The following SARS2 variants were observed in gnomAD, a reference collection of about 807,000 sequenced individuals.
SARS2 encodes the protein seryl-tRNA synthetase 2, mitochondrial.
Under a neutral mutation model 66.8 loss-of-function variants are expected in SARS2, and 52 were observed. That is an observed-to-expected ratio of 0.78 (90% CI 0.62 to 0.98). The LOEUF (loss-of-function observed/expected upper bound fraction) is 0.98. Ranked by LOEUF, SARS2 falls within the 50% of genes least tolerant of loss-of-function variation. The pLI is 0.00. For missense variants in SARS2, 673 were observed against 706.3 expected, an observed-to-expected ratio of 0.95 and a Z score of 0.53; for synonymous variants, 306 against 281.4, an observed-to-expected ratio of 1.09 and a Z score of -0.87.
chr19:38,917,741 C>A lies in SARS2; in HGVS notation c.1143G>T (p.Glu381Asp). The stretch of plus-strand genomic sequence containing the variant: ...CTCCACACCGGAAGTGCAAGCCCAG[C>A]TCTGTCAAGATCTCCATCTGAAGGG... ...FLSLQMEILT[E>D]LGLHFRVLDM... The change falls in exon 12 of 16, where the codon GAG (glutamate) becomes GAT (aspartate). Residue 381 changes from glutamate to aspartate, a missense_variant. By Grantham distance (45) the Glu-to-Asp change is conservative (BLOSUM62 2). Coordinates refer to ENST00000221431, the MANE Select transcript of SARS2 (RefSeq NM_017827.4). 2 of 1,613,010 alleles carry A rather than the reference C, an allele frequency of 1.2e-6. No individual in the cohort carries two copies. The highest frequency in any genetic ancestry group is 1.7e-4 in the Middle Eastern group (1 of 6,034).
At chr19:38,927,303 A>G (rs145369453) in intron 1 of SARS2, among the ~76,000 whole-genome samples, 1 of 152,214 alleles carries the variant, frequency 6.6e-6, no homozygotes, top group East Asian at 1.9e-4. Flanking sequence ...AAAACAAAAA[A>G]AATTGTTACA....
intron 3 of SARS2, chr19:38,922,031 G>A (rs2144772601): frequency 6.4e-7 from 1 of 1,553,810 alleles, no homozygotes; most frequent in Non-Finnish European, 8.7e-7. Context: ...CTGGGAATGG[G>A]AGGAACGTAG....
chr19:38,920,172 G>C (rs572253210), intron 5 of SARS2, 23 bp from the exon 6 acceptor site: 1 of 1,550,740 alleles, frequency 6.4e-7, no homozygotes, highest in South Asian at 1.2e-5. Context: ...GAAAAGCACC[G>C]GTGTAAGGCA....
Position 38,915,463 on chromosome 19 carries a change from C to CCCGT in SARS2, c.*139_*142dup, listed in dbSNP as rs1974391707. On this transcript the variant is annotated 3_prime_UTR_variant, in exon 16 of 16. Transcript: ENST00000221431. ...CAGCAAGGACAGAGGAGAGGTGGAC[C>CCCGT]CCGTGGTCCAGGGGCCCGGGCGTGG... The CCCGT allele has an allele frequency of 1.1e-6, 1 of 883,442 alleles. No individual in the cohort carries two copies. The allele number at this position is 883,442 out of a possible 1,614,324, so 54.7% of individuals were successfully genotyped here.
chr19:38,921,247 G>T, intron 5 of SARS2, 145 bp downstream of exon 5: 1 of 835,912 alleles, frequency 1.2e-6, no homozygotes, highest in Non-Finnish European at 2.0e-6. Context: ...GCTCGGCCAA[G>T]GCAGGAAGCT....
intron 9 of SARS2, 86 bp from the exon 10 acceptor site, chr19:38,918,225 ATG>A: frequency 7.0e-7 from 1 of 1,420,368 alleles, no homozygotes; most frequent in Non-Finnish European, 9.7e-7. Flanking sequence ...CCTCTGGTGG[ATG>A]CAACCCCAGG....
intron 2 of SARS2, among the ~76,000 whole-genome samples, chr19:38,924,747 G>T (rs191591278): frequency 3.5e-4 from 54 of 152,252 alleles, no homozygotes; most frequent in African/African-American, 1.2e-3. Context: ...GGACTCAAGC[G>T]ATCTTCCTGC....
chr19:38,930,073 G>T (rs1020657498), intron 1 of SARS2: 2 of 195,840 alleles, frequency 1.0e-5, no homozygotes, highest in South Asian at 1.1e-4. Context: ...CTCTCTAAAC[G>T]CAAGAGCTCC....
chr19:38,927,956 C>T (rs1197253952), intron 1 of SARS2, among the ~76,000 whole-genome samples: 1 of 152,130 alleles, frequency 6.6e-6, no homozygotes, highest in Non-Finnish European at 1.5e-5. Context: ...TTGCTTGAAC[C>T]CGGGAGGTAG....
intron 12 of SARS2, 111 bp downstream of exon 12, chr19:38,917,613 G>A (rs1038318114): frequency 2.6e-6 from 2 of 761,440 alleles, no homozygotes; most frequent in Non-Finnish European, 4.7e-6. Context: ...GGAAAATGGG[G>A]GCAACGAGGG....
chr19:38,918,684 C>A, intron 8 of SARS2, 82 bp downstream of exon 8: 1 of 1,506,474 alleles, frequency 6.6e-7, no homozygotes, highest in Non-Finnish European at 9.0e-7. Flanking sequence ...CCAGGGCGGT[C>A]TCCTCAGGTT....
chr19:38,922,535 T>C (rs980338170), intron 2 of SARS2, among the ~76,000 whole-genome samples: 3 of 152,236 alleles, frequency 2.0e-5, no homozygotes, highest in East Asian at 1.9e-4. Flanking sequence ...TCCCATGCCA[T>C]GATTTCTTCA....
Position 38,921,393 on chromosome 19 carries a change from T to A in SARS2, c.588A>T (p.Pro196=), listed in dbSNP as rs746477318. The A allele has an allele frequency of 6.2e-7, 1 of 1,613,256 alleles. No homozygotes were observed. The highest frequency in any genetic ancestry group is 2.2e-5 in the East Asian group (1 of 44,878). Residue 196 remains proline, a splice_region_variant and synonymous_variant, in exon 5 of 16, where the codon CCA becomes CCT. Transcript: ENST00000221431. ...ARVLHMVGDK[P]VFSFQPRGHL... Reference sequence around the variant, plus strand: ...TCCCAGGCCTGGGGTGTGGCCCACCTGGCTTGTCTCCGACCATGTGGAGCA... The same window carrying A: ...TCCCAGGCCTGGGGTGTGGCCCACCAGGCTTGTCTCCGACCATGTGGAGCA...
In SARS2 at chr19:38,926,281, A is replaced by G; in HGVS notation, c.287T>C (p.Leu96Pro). 1 of 1,604,870 alleles carries G rather than the reference A, an allele frequency of 6.2e-7. No individual in the cohort carries two copies. Among genetic ancestry groups the G allele is most frequent in the South Asian group, 1.1e-5 (1 of 91,084 alleles). Reference protein sequence around the residue: ...LPAIISTWQELRQLQEQIRSL... With the variant: ...LPAIISTWQEPRQLQEQIRSL... ...CCGGATCTGCTCCTGCAGCTGCCTC[A>G]GCTCCTGCCATGTCGAGATCTGGGG... The change falls in exon 2 of 16, where the codon CTG becomes CCG. Residue 96 changes from leucine to proline, a missense_variant. Physicochemically the swap from Leu to Pro is moderately conservative, Grantham distance 98. Transcript: ENST00000221431.
In SARS2 at chr19:38,916,239, G is replaced by A. The variant is rs137872920; in HGVS notation, c.1236C>T (p.Gly412=). Residue 412 remains glycine, a synonymous_variant, in exon 13 of 16, where the codon GGC becomes GGT. Transcript: ENST00000221431. ...GGCTCACCTCTCCAAAGCGGCCTCG[G>A]CCTGGCATCCAGGCCTCAATGTCAA... is the stretch of plus-strand genomic sequence containing the variant. ...RKFDIEAWMP[G]RGRFGEVTSA... 1.9e-6 allele frequency: 3 copies of A among 1,613,962 alleles called. No individual in the cohort carries two copies. The highest frequency in any genetic ancestry group is 2.7e-5 in the African/African-American group (2 of 74,940).
intron 2 of SARS2, among the ~76,000 whole-genome samples, chr19:38,923,816 GA>G (rs576209700): frequency 8.6e-5 from 13 of 151,966 alleles, no homozygotes; most frequent in South Asian, 2.1e-4. Flanking sequence ...TAAAAATACA[GA>G]AAAAAAATTA....
chr19:38,918,091 C>T lies in SARS2; in HGVS notation c.962+3G>A. 1 of 1,606,768 alleles carries T rather than the reference C, an allele frequency of 6.2e-7. No individual in the cohort carries two copies. On this transcript the variant is annotated splice_donor_region_variant and intron_variant, in intron 10 of 15. Transcript: ENST00000221431. ...GTCAAGGTCTAAGGAAACCAGGTGT[C>T]ACCTGACTGGCAGGTCCCTGAAGGC...
chr19:38,922,204 CA>C, intron 3 of SARS2, 33 bp downstream of exon 3: 1 of 1,613,202 alleles, frequency 6.2e-7, no homozygotes, highest in South Asian at 1.1e-5. Flanking sequence ...TGCCCACCCC[CA>C]ACCCTGGATA....
In SARS2 at chr19:38,917,789, T is replaced by A; in HGVS notation, c.1095A>T (p.Ser365=). 1 of 1,613,962 alleles carries A rather than the reference T, an allele frequency of 6.2e-7. No individual in the cohort carries two copies. The highest frequency in any genetic ancestry group is 8.5e-7 in the Non-Finnish European group (1 of 1,179,854). The part of the protein sequence containing the change: ...GVTGPGLEQS[S]QLLEEFLSLQ... ...GGGACAGGAACTCCTCCAGCAGCTG[T>A]GAGCTCTGCTCCAGCCCAGGGCCTG... The change falls in exon 12 of 16, where the codon TCA becomes TCT. Residue 365 remains serine, a synonymous_variant. Coordinates refer to ENST00000221431, the MANE Select transcript of SARS2 (RefSeq NM_017827.4).
Sources: allele counts gnomAD v4.1 joint callset (sites outside exome capture counted in the v4.1 genomes callset), GRCh38; gene constraint gnomAD v4.1.1; transcripts MANE v1.5; gene names NCBI Gene and HGNC (gene_info 2026-07-23, HGNC 2026-07-21).